The following FAM3D variants were observed in gnomAD, a reference collection of about 807,000 sequenced individuals.
FAM3D encodes the protein FAM3 metabolism regulating signaling molecule D.
In FAM3D, 26 loss-of-function variants were observed where a neutral mutation model predicts 29.8. That is an observed-to-expected ratio of 0.87 (90% CI 0.64 to 1.21). The LOEUF is 1.21. FAM3D is among the 50% of genes most tolerant of loss of function. The pLI, the probability that FAM3D is intolerant of heterozygous loss-of-function variation, is 0.00. For missense variants in FAM3D, 253 were observed against 290.9 expected, an observed-to-expected ratio of 0.87 and a Z score of 0.95; for synonymous variants, 115 against 102.3, an observed-to-expected ratio of 1.12 and a Z score of -0.75.
At chr3:58,657,358 G>A (rs922583480) in intron 1 of FAM3D, among the ~76,000 whole-genome samples, 2 of 150,708 alleles carry the variant, frequency 1.3e-5, no homozygotes, top group African/African-American at 2.5e-5. Context: ...AGGGGGAGAC[G>A]GAGAGAAGGG....
At chr3:58,642,468 C>A (rs773237676) in intron 6 of FAM3D, among the ~76,000 whole-genome samples, 22 of 152,180 alleles carry the variant, frequency 1.4e-4, no homozygotes, top group Non-Finnish European at 2.6e-4. Flanking sequence ...ATCCCTTACA[C>A]CTTTTCCCCA....
chr3:58,655,076 C>T (rs181018487), intron 2 of FAM3D, among the ~76,000 whole-genome samples: 4 of 152,240 alleles, frequency 2.6e-5, no homozygotes, highest in East Asian at 1.9e-4. Context: ...AGAAGTAAGC[C>T]GACTTCAAAA....
intron 1 of FAM3D, among the ~76,000 whole-genome samples, chr3:58,663,552 C>T (rs1408372276): frequency 6.6e-6 from 1 of 152,324 alleles, no homozygotes; most frequent in East Asian, 1.9e-4. Context: ...TTTCAAACTA[C>T]AGTTACATCT....
At chr3:58,651,385 T>A (rs2066633365) in intron 3 of FAM3D, among the ~76,000 whole-genome samples, 1 of 152,218 alleles carries the variant, frequency 6.6e-6, no homozygotes, top group African/African-American at 2.4e-5. Flanking sequence ...TGCTGAAACA[T>A]CAATGGTTTT....
chr3:58,659,855 C>T (rs921834080), intron 1 of FAM3D, among the ~76,000 whole-genome samples: 3 of 152,166 alleles, frequency 2.0e-5, no homozygotes, highest in Non-Finnish European at 2.9e-5. Flanking sequence ...AGAAGACATG[C>T]TCAGACTCTA....
chr3:58,635,500 G>A lies in FAM3D; in HGVS notation c.585+794C>T, dbSNP rs1351141164. Among the ~76,000 whole-genome samples, 1 of 152,126 alleles carries A rather than the reference G, an allele frequency of 6.6e-6. No individual in the cohort carries two copies. Among genetic ancestry groups the A allele is most frequent in the Non-Finnish European group, 1.5e-5 (1 of 68,022 alleles). On this transcript the variant is annotated intron_variant, in intron 9 of 9. Coordinates refer to ENST00000358781, the MANE Select transcript of FAM3D (RefSeq NM_138805.3). The surrounding 1 kb of genome is among the most constrained non-coding windows in gnomAD (Gnocchi z 5.2). ...CTTCCTGTACTCCCACGCCTCCTCT[G>A]TCTTGCCGGTTCCCCTGGGTCTGGA...
At chr3:58,661,213 T>A (rs2066922503) in intron 1 of FAM3D, among the ~76,000 whole-genome samples, 1 of 152,192 alleles carries the variant, frequency 6.6e-6, no homozygotes, top group Non-Finnish European at 1.5e-5. Context: ...TGGCCTCTTT[T>A]AGCTCTAGGT....
intron 4 of FAM3D, among the ~76,000 whole-genome samples, chr3:58,647,015 G>A (rs1363650251): frequency 6.6e-6 from 1 of 152,112 alleles, no homozygotes; most frequent in Non-Finnish European, 1.5e-5. Flanking sequence ...CAGGCTTGGT[G>A]AGCACCTTTG....
Position 58,636,285 on chromosome 3 carries a change from A to C in FAM3D, c.585+9T>G, listed in dbSNP as rs1209000364. The C allele has an allele frequency of 6.2e-7, 1 of 1,613,252 alleles. No homozygotes were observed. Among genetic ancestry groups the C allele is most frequent in the Admixed American group, 1.7e-5 (1 of 59,958 alleles). On this transcript the variant is annotated intron_variant, in intron 9 of 9. Transcript: ENST00000358781. ...CCTTCATAGGGCCGGGTTGTGGCCC[A>C]GAACCCACCTGCTCAAAGGGGCTTT...
rs1347827587 is a variant in FAM3D, at chr3:58,635,456, G to A, written c.585+838C>T. Among the ~76,000 whole-genome samples, 1 of 152,168 alleles carries A rather than the reference G, an allele frequency of 6.6e-6. No individual in the cohort carries two copies. The highest frequency in any genetic ancestry group is 1.9e-4 in the East Asian group (1 of 5,190). ...CGGTCCCGGCCAGCTGGTTGCAGAT[G>A]GATGAAGATGATGCTGGGCTTCCTG... On this transcript the variant is annotated intron_variant, in intron 9 of 9. Coordinates refer to ENST00000358781, the MANE Select transcript of FAM3D (RefSeq NM_138805.3). The surrounding 1 kb of genome is among the most constrained non-coding windows in gnomAD (Gnocchi z 5.2).
intron 6 of FAM3D, 46 bp downstream of exon 6, chr3:58,643,616 C>A: frequency 6.3e-7 from 1 of 1,596,204 alleles, no homozygotes; most frequent in South Asian, 1.1e-5. Flanking sequence ...CCCCTACCCT[C>A]CCTGGTTCTG....
intron 7 of FAM3D, 66 bp from the exon 8 acceptor site, chr3:58,637,291 T>C (rs574137852): frequency 2.1e-6 from 3 of 1,433,670 alleles, no homozygotes; most frequent in South Asian, 1.2e-5. Context: ...CTCATGCTTG[T>C]CTACTGCCCC....
rs1575480633 is a variant in FAM3D at position 58,647,757 on chromosome 3, C to T, written c.145+1558G>A. On this transcript the variant is annotated intron_variant, in intron 4 of 9. Transcript: ENST00000358781. ...GGCTGCTCCCATCAGCTGCCTCAAT[C>T]CCTGAGGCCCAACCCCCCCGGGAAC... Among the ~76,000 whole-genome samples the T allele has an allele frequency of 5.3e-5, 8 of 152,284 alleles. No individual in the cohort carries two copies. The South Asian group carries it at 1.7e-3, about 32-fold the overall frequency.
At chr3:58,649,728 C>T (rs545957628) in intron 3 of FAM3D, among the ~76,000 whole-genome samples, 1 of 152,036 alleles carries the variant, frequency 6.6e-6, no homozygotes, top group African/African-American at 2.4e-5. Flanking sequence ...GTACAAGACA[C>T]ACACACGACT....
chr3:58,642,210 C>A (rs34968752), intron 6 of FAM3D, among the ~76,000 whole-genome samples: 26,921 of 152,152 alleles, frequency 0.18, 2,496 homozygotes, highest in Middle Eastern at 0.22. Context: ...CCTTCCTGGG[C>A]TCCTAGGAAG....
intron 1 of FAM3D, among the ~76,000 whole-genome samples, chr3:58,662,471 C>T (rs1461786693): frequency 1.3e-5 from 2 of 152,190 alleles, no homozygotes; most frequent in African/African-American, 4.8e-5. Context: ...TAGTATTCTG[C>T]CAATATTAAG....
Position 58,653,781 on chromosome 3 carries a change from C to A in FAM3D, c.14G>T (p.Gly5Val). 6.2e-7 allele frequency: 1 copy of A among 1,612,990 alleles called. No homozygotes were observed. Among genetic ancestry groups the A allele is most frequent in the Non-Finnish European group, 8.5e-7 (1 of 1,179,644 alleles). The change falls in exon 3 of 10, where the codon GGT (glycine) becomes GTT (valine). Residue 5 changes from glycine (G) to valine (V), a missense_variant and splice_region_variant. Gly to Val is a moderately radical substitution (Grantham distance 109). Transcript: ENST00000358781. ...GATGAGGGCCAGGAGGCGAAGCACA[C>A]CTGCTGAGCAAGGGGATGCTGCCAG... MRVS[G>V]VLRLLALIFA...
chr3:58,664,200 T>A (rs2066986438), intron 1 of FAM3D, among the ~76,000 whole-genome samples: 1 of 152,256 alleles, frequency 6.6e-6, no homozygotes, highest in Non-Finnish European at 1.5e-5. Context: ...AGTTATTGTA[T>A]TTAAACCAGC....
At chr3:58,644,013 G>A (rs1353115887) in intron 5 of FAM3D, among the ~76,000 whole-genome samples, 1 of 152,206 alleles carries the variant, frequency 6.6e-6, no homozygotes, top group Non-Finnish European at 1.5e-5. Flanking sequence ...AGGCCGTGAG[G>A]CCTGGCTGCT....
Sources: allele counts gnomAD v4.1 joint callset (sites outside exome capture counted in the v4.1 genomes callset), GRCh38; gene constraint gnomAD v4.1.1; non-coding constraint Gnocchi (gnomAD v3.1); transcripts MANE v1.5; gene names NCBI Gene and HGNC (gene_info 2026-07-23, HGNC 2026-07-21).